Variants in TMPRSS4 observed in about 807,000 individuals in gnomAD.
The protein encoded by TMPRSS4 is transmembrane protease serine 4.
In TMPRSS4, 45 loss-of-function variants were observed where a neutral mutation model predicts 56.4. The observed-to-expected ratio is 0.80, with a 90% confidence interval of 0.63 to 1.02. The LOEUF (loss-of-function observed/expected upper bound fraction) is 1.02. Ranked by LOEUF, TMPRSS4 falls within the 50% of genes least tolerant of loss-of-function variation. The probability of loss-of-function intolerance (pLI) is 0.00; values close to 1 mark genes in which losing one functional copy is unlikely to be tolerated. For missense variants in TMPRSS4, 546 were observed against 556.7 expected (o/e 0.98, Z 0.19); for synonymous variants, 205 against 211.0 (o/e 0.97, Z 0.25).
At position 118,119,754 on chromosome 11, in the gene TMPRSS4, A is replaced by T. The variant is rs1356505602; in HGVS notation, c.*1841A>T. 2 of 152,238 alleles carry T rather than the reference A, an allele frequency of 1.3e-5. No individual in the cohort carries two copies. Among genetic ancestry groups the T allele is most frequent in the African/African-American group, 4.8e-5 (2 of 41,462 alleles). The allele number at this position is 152,238 out of a possible 1,614,324, so 9.4% of individuals were successfully genotyped here. A position where few individuals can be genotyped will look rare whatever the true frequency, so the allele number is the denominator to read the frequency against. On this transcript the variant is annotated 3_prime_UTR_variant, in exon 13 of 13. Transcript: ENST00000437212. ...CGTGAGCACTTGGAATACAGAGTTC[A>T]TGCTGTAAACTACCACACTATAGGG...
chr11:118,114,127 C>G (rs1947422727), intron 9 of TMPRSS4, among the ~76,000 whole-genome samples: 2 of 152,296 alleles, frequency 1.3e-5, no homozygotes. Flanking sequence ...ACCACAGAAT[C>G]CTTTTTTCAT....
chr11:118,079,494 T>C (rs1335714520), intron 1 of TMPRSS4, among the ~76,000 whole-genome samples: 1 of 152,212 alleles, frequency 6.6e-6, no homozygotes, highest in Admixed American at 6.5e-5. Context: ...GAAGGAAATG[T>C]GTCCCATGCT....
chr11:118,094,954 C>T, intron 2 of TMPRSS4, 99 bp downstream of exon 2: 3 of 1,271,772 alleles, frequency 2.4e-6, no homozygotes, highest in Non-Finnish European at 3.4e-6. Flanking sequence ...ACCACCACCA[C>T]CAAAGTGCTA....
chr11:118,086,905 C>A (rs1263132465), intron 1 of TMPRSS4: 2 of 152,710 alleles, frequency 1.3e-5, no homozygotes, highest in Non-Finnish European at 2.9e-5. Flanking sequence ...CAGAGTGAGG[C>A]TCCCTCAGAG....
At chr11:118,103,621 A>T (rs908759037) in intron 4 of TMPRSS4, among the ~76,000 whole-genome samples, 1 of 152,204 alleles carries the variant, frequency 6.6e-6, no homozygotes, top group Non-Finnish European at 1.5e-5. Context: ...ACCTCAGGTG[A>T]TCTGCCCGCC....
At position 118,107,871 on chromosome 11, in the gene TMPRSS4, A is replaced by G. The variant is rs756332113; in HGVS notation, c.538A>G (p.Ser180Gly). 8.7e-6 allele frequency: 14 copies of G among 1,613,762 alleles called. 1 individual carries two copies. Among genetic ancestry groups the G allele is most frequent in the South Asian group, 2.2e-5 (2 of 91,026 alleles). Reference sequence around the variant, plus strand: ...CCAGGAGCTTCGCATGCGGAACTCAAGTGGGTAAGTGAGGGGACACCTTCT... The same window carrying G: ...CCAGGAGCTTCGCATGCGGAACTCAGGTGGGTAAGTGAGGGGACACCTTCT... ...NSQELRMRNSSGPCLSGSLVS... is the reference protein window; with the variant it reads ...NSQELRMRNSGGPCLSGSLVS... Residue 180 changes from serine (S) to glycine (G), a missense_variant, in exon 6 of 13, where the codon AGT becomes GGT. Transcript: ENST00000437212.
chr11:118,115,321 T>G, intron 11 of TMPRSS4, 41 bp downstream of exon 11: 1 of 1,603,572 alleles, frequency 6.2e-7, no homozygotes, highest in East Asian at 2.2e-5. Context: ...AAGAATAGGG[T>G]TTAGGTCCTA....
Position 118,121,861 on chromosome 11 carries a change from T to C in TMPRSS4, c.*3948T>C, listed in dbSNP as rs1947802567. Reference sequence around the variant, plus strand: ...ACTGAAATATGGAGTAACCACAGCATGCAGCATGTAAATTAAAGGGGATAG... The same window carrying C: ...ACTGAAATATGGAGTAACCACAGCACGCAGCATGTAAATTAAAGGGGATAG... On this transcript the variant is annotated 3_prime_UTR_variant, in exon 13 of 13. Transcript: ENST00000437212. The C allele has an allele frequency of 6.6e-6, 1 of 152,202 alleles. No individual in the cohort carries two copies. Among genetic ancestry groups the C allele is most frequent in the African/African-American group, 2.4e-5 (1 of 41,440 alleles). The allele number at this position is 152,202 out of a possible 1,614,324, so 9.4% of individuals were successfully genotyped here. A position where few individuals can be genotyped will look rare whatever the true frequency, so the allele number is the denominator to read the frequency against.
At chr11:118,114,186 G>C (rs1235216115) in intron 9 of TMPRSS4, among the ~76,000 whole-genome samples, 10 of 152,218 alleles carry the variant, frequency 6.6e-5, no homozygotes, top group Non-Finnish European at 1.5e-4. Flanking sequence ...AGACCCTGGT[G>C]TGACCCCTTT....
chr11:118,087,521 G>A (rs572321002), intron 1 of TMPRSS4: 2 of 152,340 alleles, frequency 1.3e-5, no homozygotes, highest in African/African-American at 2.4e-5. Flanking sequence ...AGACATTGAG[G>A]AGTGTGCCCA....
At chr11:118,091,233 A>G (rs1395957005) in intron 1 of TMPRSS4, among the ~76,000 whole-genome samples, 1 of 151,142 alleles carries the variant, frequency 6.6e-6, no homozygotes, top group Non-Finnish European at 1.5e-5. Context: ...TTTACCACCA[A>G]CCTCCTCTCT....
chr11:118,091,787 C>T (rs934963550), intron 1 of TMPRSS4, among the ~76,000 whole-genome samples: 6 of 152,154 alleles, frequency 3.9e-5, no homozygotes, highest in Non-Finnish European at 7.4e-5. Flanking sequence ...CTGTTACATG[C>T]CAGTTGGGTG....
At chr11:118,112,631 G>A (rs559888807) in intron 8 of TMPRSS4, among the ~76,000 whole-genome samples, 1 of 151,956 alleles carries the variant, frequency 6.6e-6, no homozygotes, top group East Asian at 1.9e-4. Context: ...GACCTCAAGT[G>A]ATCTGCCCAC....
At chr11:118,102,905 G>A (rs1230115121) in intron 3 of TMPRSS4, 196 bp from the exon 4 acceptor site, 1 of 646,800 alleles carries the variant, frequency 1.5e-6, no homozygotes, top group East Asian at 2.7e-5. Context: ...GGTGGGGCCG[G>A]TGTTACTATC....
At chr11:118,094,453 A>C (rs1946173241) in intron 1 of TMPRSS4, among the ~76,000 whole-genome samples, 1 of 152,204 alleles carries the variant, frequency 6.6e-6, no homozygotes, top group Admixed American at 6.5e-5. Context: ...TAAGATGTCT[A>C]TTCAGAGTTT....
At chr11:118,094,400 A>C (rs1311470304) in intron 1 of TMPRSS4, among the ~76,000 whole-genome samples, 2 of 152,230 alleles carry the variant, frequency 1.3e-5, no homozygotes, top group Non-Finnish European at 2.9e-5. Context: ...AATGATATTA[A>C]GCATTGTTTG....
chr11:118,082,218 G>T (rs1487532411), intron 1 of TMPRSS4, among the ~76,000 whole-genome samples: 1 of 152,196 alleles, frequency 6.6e-6, no homozygotes, highest in African/African-American at 2.4e-5. Flanking sequence ...TCTCCCTTCA[G>T]TCTAATACAA....
intron 1 of TMPRSS4, among the ~76,000 whole-genome samples, chr11:118,084,579 C>T (rs573552516): frequency 1.1e-4 from 17 of 152,348 alleles, no homozygotes; most frequent in South Asian, 2.1e-4. Flanking sequence ...CCAGAACAAA[C>T]GAGAATCCTC....
rs183545362 is a variant in TMPRSS4, at chr11:118,089,320, G to A, written c.4-5496G>A. ...AGCTACTCATGGGGAAACTCAGGCA[G>A]CACAACAGTAAGGGCAGAGCATGGT... On this transcript the variant is annotated intron_variant, in intron 1 of 12. Transcript: ENST00000437212. Among the ~76,000 whole-genome samples the A allele has an allele frequency of 7.2e-5, 11 of 152,328 alleles. No homozygotes were observed. In the East Asian group the frequency reaches 1.3e-3, roughly 19 times the overall value.
Sources: allele counts gnomAD v4.1 joint callset (sites outside exome capture counted in the v4.1 genomes callset), GRCh38; gene constraint gnomAD v4.1.1; transcripts MANE v1.5; gene names NCBI Gene and HGNC (gene_info 2026-07-23, HGNC 2026-07-21).